The following PROK2 variants were observed in gnomAD, a reference collection of about 807,000 sequenced individuals.
The protein encoded by PROK2 is prokineticin-2.
A neutral mutation model predicts 14.2 loss-of-function variants in PROK2; 8 were observed. The observed-to-expected ratio is 0.56, with a 90% CI of 0.33 to 1.02. The LOEUF is 1.02. Among genes scored for constraint, PROK2 ranks in the 50% least tolerant of loss-of-function variants. The pLI is 0.03. For missense variants in PROK2, 154 were observed against 160.4 expected, an observed-to-expected ratio of 0.96 and a Z score of 0.22; for synonymous variants, 59 against 60.7, an observed-to-expected ratio of 0.97 and a Z score of 0.13.
chr3:71,772,864 G>A (rs764113123), intron 3 of PROK2, 36 bp from the exon 4 acceptor site: 1 of 1,580,900 alleles, frequency 6.3e-7, no homozygotes, highest in Non-Finnish European at 8.7e-7. Context: ...GAGCTGGAAA[G>A]GTTTCAAAAA....
chr3:71,778,576 G>GA (rs35074127), intron 2 of PROK2, among the ~76,000 whole-genome samples: 13,260 of 148,420 alleles, frequency 0.089, 870 homozygotes, highest in African/African-American at 0.19. Flanking sequence ...GAAACAAAAT[G>GA]AAAAAAAAAA....
intron 2 of PROK2, among the ~76,000 whole-genome samples, chr3:71,779,804 C>T (rs1174056255): frequency 1.3e-5 from 2 of 152,058 alleles, no homozygotes; most frequent in Admixed American, 6.6e-5. Context: ...GAGACGGGGT[C>T]TCACTATGTT....
intron 3 of PROK2, among the ~76,000 whole-genome samples, chr3:71,773,848 G>A (rs573180149): frequency 6.6e-5 from 10 of 152,324 alleles, no homozygotes; most frequent in Middle Eastern, 3.4e-3. Context: ...GTGGTTGTCT[G>A]TGCCAGTGGC....
intron 2 of PROK2, among the ~76,000 whole-genome samples, chr3:71,781,093 T>A (rs1054697877): frequency 7.2e-5 from 11 of 152,216 alleles, no homozygotes; most frequent in African/African-American, 2.7e-4. Flanking sequence ...TATCAGTAGA[T>A]CTAATATTAA....
intron 2 of PROK2, among the ~76,000 whole-genome samples, chr3:71,780,266 T>TG (rs1199412222): frequency 6.6e-6 from 1 of 152,174 alleles, no homozygotes; most frequent in Non-Finnish European, 1.5e-5. Flanking sequence ...CCAAAACAAC[T>TG]GGAATCCACA....
chr3:71,780,787 AGGT>A (rs2050154734), intron 2 of PROK2, among the ~76,000 whole-genome samples: 1 of 152,196 alleles, frequency 6.6e-6, no homozygotes, highest in African/African-American at 2.4e-5. Flanking sequence ...CCCTGTAGAC[AGGT>A]GGGTCTGCAA....
intron 2 of PROK2, among the ~76,000 whole-genome samples, chr3:71,778,023 G>A (rs1288060540): frequency 2.6e-5 from 4 of 151,852 alleles, no homozygotes; most frequent in Non-Finnish European, 4.4e-5. Context: ...GTGAAACCCC[G>A]TCTCTACGAA....
intron 2 of PROK2, among the ~76,000 whole-genome samples, chr3:71,780,745 C>A (rs566739325): frequency 1.4e-4 from 22 of 152,134 alleles, no homozygotes; most frequent in Non-Finnish European, 3.2e-4. Context: ...TCCCACCCAC[C>A]CGCTTCCTCA....
Position 71,785,130 on chromosome 3 carries a change from G to T in PROK2, c.-78C>A. On this transcript the variant is annotated 5_prime_UTR_variant, in exon 1 of 4. Transcript: ENST00000295619. Reference sequence around the variant, plus strand: ...GGTGCGCTGGGTGGAGCGCGGAGCGGCGGGCGGACGGGCGCGGCGGCTCCC... The same window carrying T: ...GGTGCGCTGGGTGGAGCGCGGAGCGTCGGGCGGACGGGCGCGGCGGCTCCC... 1 of 998,596 alleles carries T rather than the reference G, an allele frequency of 1.0e-6. No individual in the cohort carries two copies. The highest frequency in any genetic ancestry group is 1.3e-6 in the Non-Finnish European group (1 of 783,026). The allele number at this position is 998,596 out of a possible 1,614,324, so 61.9% of individuals were successfully genotyped here.
chr3:71,775,735 T>C (rs1490641294), intron 2 of PROK2, among the ~76,000 whole-genome samples: 1 of 152,080 alleles, frequency 6.6e-6, no homozygotes, highest in Non-Finnish European at 1.5e-5. Context: ...CAGATTTTGC[T>C]CTCTTCTCAA....
chr3:71,773,833 G>C (rs1321284524), intron 3 of PROK2, among the ~76,000 whole-genome samples: 3 of 152,200 alleles, frequency 2.0e-5, no homozygotes, highest in African/African-American at 7.2e-5. Context: ...CCGACAGCGA[G>C]CATGGTGGTT....
At chr3:71,782,255 C>T (rs1429370229) in intron 1 of PROK2, among the ~76,000 whole-genome samples, 1 of 152,174 alleles carries the variant, frequency 6.6e-6, no homozygotes, top group African/African-American at 2.4e-5. Flanking sequence ...ACTCTTCCTT[C>T]AGGTGAATAA....
intron 2 of PROK2, among the ~76,000 whole-genome samples, chr3:71,775,967 G>A (rs775031616): frequency 2.0e-5 from 3 of 152,012 alleles, no homozygotes; most frequent in Non-Finnish European, 2.9e-5. Context: ...GCCCAGCTCC[G>A]AGCAGGCAAA....
intron 3 of PROK2, among the ~76,000 whole-genome samples, chr3:71,773,314 T>C (rs2050094465): frequency 6.6e-6 from 1 of 152,282 alleles, no homozygotes; most frequent in Admixed American, 6.5e-5. Flanking sequence ...CCTTTCCCAT[T>C]CTTACAAACA....
At chr3:71,777,590 G>C (rs2050129499) in intron 2 of PROK2, among the ~76,000 whole-genome samples, 1 of 151,794 alleles carries the variant, frequency 6.6e-6, no homozygotes, top group African/African-American at 2.4e-5. Context: ...AAAAAAACCT[G>C]GTGCTAAAAA....
Position 71,772,697 on chromosome 3 carries a change from T to C in PROK2, c.*27A>G, listed in dbSNP as rs1474104590. ...GACTTTACAGGTAAGATGTGGCTAT[T>C]CACATTTGGTTTCTACTCCAGAGCG... On this transcript the variant is annotated 3_prime_UTR_variant, in exon 4 of 4. Transcript: ENST00000295619. 6.3e-7 allele frequency: 1 copy of C among 1,581,616 alleles called. No homozygotes were observed. The highest frequency in any genetic ancestry group is 8.7e-7 in the Non-Finnish European group (1 of 1,150,536).
intron 2 of PROK2, among the ~76,000 whole-genome samples, chr3:71,776,249 GC>G (rs1158335103): frequency 6.6e-6 from 1 of 151,866 alleles, no homozygotes; most frequent in Non-Finnish European, 1.5e-5. Context: ...ATACTTAGGT[GC>G]TTTTTTCTCA....
chr3:71,783,855 TG>T (rs2050189289), intron 1 of PROK2, among the ~76,000 whole-genome samples: 1 of 152,244 alleles, frequency 6.6e-6, no homozygotes, highest in East Asian at 1.9e-4. Context: ...AAATATCTGT[TG>T]GATATATACA....
rs557527443 is a variant in PROK2, at chr3:71,781,211, A to C, written c.222+256T>G. 4.6e-5 allele frequency among the ~76,000 whole-genome samples: 7 copies of C among 152,344 alleles called. No homozygotes were observed. The South Asian group carries it at 1.4e-3, about 32-fold the overall frequency. Reference sequence around the variant, plus strand: ...ACTTTTAAGCAAATTCATGTGTTGCAAATTATATTGGTAAAATGCTTCTAA... The same window carrying C: ...ACTTTTAAGCAAATTCATGTGTTGCCAATTATATTGGTAAAATGCTTCTAA... On this transcript the variant is annotated intron_variant, in intron 2 of 3. Coordinates refer to ENST00000295619, the MANE Select transcript of PROK2 (RefSeq NM_001126128.2).
Sources: gnomAD v4.1 joint callset for allele counts (sites outside exome capture counted in the v4.1 genomes callset) on GRCh38, gnomAD v4.1.1 for gene constraint, MANE v1.5 for transcripts, NCBI Gene and HGNC (gene_info 2026-07-23, HGNC 2026-07-21) for gene names.